Variants in FANCB observed in about 807,000 individuals in gnomAD.
The protein encoded by FANCB is FA complementation group B.
In FANCB, 5 loss-of-function variants were observed where a neutral mutation model predicts 38.9. That is an observed-to-expected ratio of 0.13 (90% CI 0.07 to 0.27). The LOEUF (loss-of-function observed/expected upper bound fraction) is 0.27. Ranked by LOEUF, FANCB falls within the 10% of genes least tolerant of loss-of-function variation. The pLI is 1.00. For synonymous variants in FANCB, 236 were observed against 215.4 expected (o/e 1.10, Z -0.84); for missense variants, 573 against 602.7 (o/e 0.95, Z 0.52).
the FANCB span, among the ~76,000 whole-genome samples, chrX:14,749,392 T>C: frequency 9.0e-6 from 1 of 110,936 alleles, no homozygotes; most frequent in Non-Finnish European, 1.9e-5. Flanking sequence ...GATGTGTGCT[T>C]AGAGTATGCC....
the FANCB span, among the ~76,000 whole-genome samples, chrX:14,718,931 A>AC: frequency 2.7e-5 from 3 of 111,738 alleles, no homozygotes; most frequent in Non-Finnish European, 5.6e-5. Context: ...GGGGACATAG[A>AC]CCCCTAACTC....
chrX:14,809,976 G>A, the FANCB span, among the ~76,000 whole-genome samples: 2 of 111,946 alleles, frequency 1.8e-5, no homozygotes, highest in African/African-American at 6.5e-5. Context: ...GTACCCCTCT[G>A]AGACAAAAAT....
At chrX:14,761,501 T>C in the FANCB span, among the ~76,000 whole-genome samples, 56 of 110,071 alleles carry the variant, frequency 5.1e-4, no homozygotes, top group African/African-American at 1.7e-3. Context: ...GGTACAGCAT[T>C]TCATGATTGG....
intron 10 of FANCB, among the ~76,000 whole-genome samples, chrX:14,836,990 T>A (rs954560714): frequency 3.6e-5 from 4 of 112,283 alleles, no homozygotes; most frequent in African/African-American, 1.3e-4. Flanking sequence ...TAAATTTATC[T>A]GGCACCTAGA....
intron 3 of FANCB, among the ~76,000 whole-genome samples, chrX:14,863,093 C>T (rs1208965863): frequency 8.9e-6 from 1 of 112,091 alleles, no homozygotes; most frequent in African/African-American, 3.2e-5. Context: ...AGGATACATA[C>T]GTATTACAGA....
At chrX:14,801,328 C>T in the FANCB span, among the ~76,000 whole-genome samples, 1 of 111,999 alleles carries the variant, frequency 8.9e-6, no homozygotes, top group African/African-American at 3.2e-5. Flanking sequence ...ACTGATCTCA[C>T]CAACCATTAA....
the FANCB span, among the ~76,000 whole-genome samples, chrX:14,746,899 A>C: frequency 1.5e-4 from 17 of 111,881 alleles, no homozygotes; most frequent in African/African-American, 5.2e-4. Context: ...GCAGCACCAA[A>C]TTTACGATGG....
chrX:14,779,166 C>G, the FANCB span, among the ~76,000 whole-genome samples: 1 of 112,486 alleles, frequency 8.9e-6, no homozygotes, highest in East Asian at 2.8e-4. Flanking sequence ...AAAAATCACA[C>G]TCTTCCCTGT....
At chrX:14,748,470 G>C in the FANCB span, among the ~76,000 whole-genome samples, 1 of 112,326 alleles carries the variant, frequency 8.9e-6, no homozygotes, top group Admixed American at 9.4e-5. Context: ...AATGTTTGTT[G>C]TATTAAAGCC....
At chrX:14,797,420 G>C in the FANCB span, among the ~76,000 whole-genome samples, 2 of 112,233 alleles carry the variant, frequency 1.8e-5, no homozygotes, top group Non-Finnish European at 3.8e-5. Flanking sequence ...CATGGCTCAC[G>C]CCTGTAATCC....
chrX:14,757,963 A>C, the FANCB span, among the ~76,000 whole-genome samples: 1 of 111,651 alleles, frequency 9.0e-6, no homozygotes, highest in South Asian at 3.8e-4. Context: ...GCCTGGGGCA[A>C]GTTCTCAGCT....
chrX:14,849,334 A>G (rs1301532710), intron 7 of FANCB, among the ~76,000 whole-genome samples: 1 of 111,594 alleles, frequency 9.0e-6, no homozygotes, highest in Non-Finnish European at 1.9e-5. Flanking sequence ...CCAGCCCAAA[A>G]CAGCTTAGAA....
At chrX:14,696,033 A>G in the FANCB span, among the ~76,000 whole-genome samples, 2 of 110,519 alleles carry the variant, frequency 1.8e-5, no homozygotes, top group Non-Finnish European at 3.8e-5. Context: ...GATAACAGGT[A>G]CTTCGGTTTA....
the FANCB span, among the ~76,000 whole-genome samples, chrX:14,707,780 G>A: frequency 1.2e-3 from 132 of 109,954 alleles, no homozygotes; most frequent in African/African-American, 3.8e-3. Context: ...GTGTGCACGC[G>A]CGCGTGTTGC....
At chrX:14,693,481 T>G in the FANCB span, among the ~76,000 whole-genome samples, 1 of 111,537 alleles carries the variant, frequency 9.0e-6, no homozygotes, top group Non-Finnish European at 1.9e-5. Context: ...AAGTTTAAAT[T>G]GACAGATATA....
At chrX:14,836,082 T>C (rs2092340494) in exon 11 of FANCB, 1 of 112,324 alleles carries the variant, frequency 8.9e-6, no homozygotes, top group Admixed American at 9.4e-5. Flanking sequence ...TGGAATACTA[T>C]GCAGCTTTAA....
rs188839353 is a variant in FANCB at position 14,849,977 on chromosome X, T to C, written c.1496+528A>G. Reference sequence around the variant, plus strand: ...TTAAAACTTTGTATGAAAAAATAAATGCAAAATATCTTATTAATAATTTTT... The same window carrying C: ...TTAAAACTTTGTATGAAAAAATAAACGCAAAATATCTTATTAATAATTTTT... On this transcript the variant is annotated intron_variant, in intron 7 of 9. Coordinates refer to ENST00000650831, the MANE Select transcript of FANCB (RefSeq NM_001018113.3). Among the ~76,000 whole-genome samples, 894 of 112,345 alleles carry C rather than the reference T, an allele frequency of 8.0e-3. 5 individuals carry two copies. The highest frequency in any genetic ancestry group is 0.019 in the Admixed American group (203 of 10,620).
the FANCB span, among the ~76,000 whole-genome samples, chrX:14,696,038 G>A: frequency 5.4e-5 from 6 of 110,105 alleles, no homozygotes; most frequent in Admixed American, 9.8e-5. Context: ...CAGGTACTTC[G>A]GTTTAACTAC....
At chrX:14,690,539 T>A in the FANCB span, among the ~76,000 whole-genome samples, 1 of 112,108 alleles carries the variant, frequency 8.9e-6, no homozygotes, top group Non-Finnish European at 1.9e-5. Context: ...CAAAGTAGAA[T>A]CAATGGCTTA....
Sources: allele counts gnomAD v4.1 joint callset (sites outside exome capture counted in the v4.1 genomes callset), GRCh38; gene constraint gnomAD v4.1.1; transcripts MANE v1.5; gene names NCBI Gene and HGNC (gene_info 2026-07-23, HGNC 2026-07-21).